MIR2052HG: variants seen among roughly 807,000 people sequenced by gnomAD.
The protein encoded by MIR2052HG is MIR2052 host gene.
chr8:74,633,359 T>G (rs1808542942), intron 2 of MIR2052HG: 1 of 152,156 alleles, frequency 6.6e-6, no homozygotes, highest in Non-Finnish European at 1.5e-5. Context: ...TAGGTGCTTC[T>G]AGTGTACGTT....
At chr8:74,629,535 G>T (rs1808480184) in intron 2 of MIR2052HG, among the ~76,000 whole-genome samples, 3 of 152,154 alleles carry the variant, frequency 2.0e-5, no homozygotes, top group African/African-American at 7.2e-5. Context: ...TTGCATTCCA[G>T]TATAGTGTTA....
intron 4 of MIR2052HG, among the ~76,000 whole-genome samples, chr8:74,723,848 T>C (rs1464455740): frequency 1.3e-5 from 2 of 152,226 alleles, no homozygotes; most frequent in African/African-American, 4.8e-5. Context: ...TCAGGAAGAC[T>C]ATCGTCTTGA....
At chr8:74,693,645 C>T (rs988321965) in intron 2 of MIR2052HG, among the ~76,000 whole-genome samples, 1 of 151,910 alleles carries the variant, frequency 6.6e-6, no homozygotes, top group African/African-American at 2.4e-5. Flanking sequence ...GGAATGAGAC[C>T]AGCCTTTTGG....
At chr8:74,679,483 C>T (rs1563530185) in intron 2 of MIR2052HG, among the ~76,000 whole-genome samples, 1 of 151,386 alleles carries the variant, frequency 6.6e-6, no homozygotes, top group Non-Finnish European at 1.5e-5. Context: ...TTTTCTTTAT[C>T]CACTCACTCA....
At chr8:74,688,598 G>T (rs1373257012) in intron 2 of MIR2052HG, among the ~76,000 whole-genome samples, 3 of 152,138 alleles carry the variant, frequency 2.0e-5, no homozygotes, top group Non-Finnish European at 4.4e-5. Context: ...ACATTCTGTA[G>T]CAAAGCTAAG....
intron 2 of MIR2052HG, among the ~76,000 whole-genome samples, chr8:74,618,769 A>G (rs1418546006): frequency 6.6e-6 from 1 of 152,254 alleles, no homozygotes; most frequent in African/African-American, 2.4e-5. Flanking sequence ...CTTCTATTCA[A>G]CATAGTACTG....
intron 2 of MIR2052HG, among the ~76,000 whole-genome samples, chr8:74,673,993 T>C (rs1250612792): frequency 6.7e-6 from 1 of 150,188 alleles, no homozygotes; most frequent in African/African-American, 2.5e-5. Flanking sequence ...CAGAGAAGCC[T>C]TTTTTTATGT....
At chr8:74,713,368 T>C (rs1387289083) in intron 4 of MIR2052HG, among the ~76,000 whole-genome samples, 1 of 152,164 alleles carries the variant, frequency 6.6e-6, no homozygotes, top group Non-Finnish European at 1.5e-5. Flanking sequence ...ATTCATTTCT[T>C]AAATGACAAA....
At chr8:74,748,374 A>G (rs188704829) in intron 4 of MIR2052HG, among the ~76,000 whole-genome samples, 11 of 152,334 alleles carry the variant, frequency 7.2e-5, no homozygotes, top group Non-Finnish European at 1.5e-4. Context: ...AATGAAAGAC[A>G]GGAACTTTCA....
At chr8:74,635,889 G>A (rs1808576038) in intron 2 of MIR2052HG, among the ~76,000 whole-genome samples, 1 of 152,128 alleles carries the variant, frequency 6.6e-6, no homozygotes, top group African/African-American at 2.4e-5. Flanking sequence ...ATAAATGGTG[G>A]AATGCTTTTG....
intron 2 of MIR2052HG, among the ~76,000 whole-genome samples, chr8:74,613,675 C>G (rs7010118): frequency 6.6e-6 from 1 of 151,988 alleles, no homozygotes; most frequent in Non-Finnish European, 1.5e-5. Flanking sequence ...TTAGTAGAGA[C>G]GGGGTTTTGC....
intron 4 of MIR2052HG, among the ~76,000 whole-genome samples, chr8:74,745,570 T>G (rs186741841): frequency 3.3e-5 from 5 of 150,976 alleles, no homozygotes; most frequent in Admixed American, 1.3e-4. Context: ...TCACTGTGGG[T>G]TTTTTTTTCA....
chr8:74,663,899 C>T (rs138814304), intron 2 of MIR2052HG, among the ~76,000 whole-genome samples: 1 of 152,226 alleles, frequency 6.6e-6, no homozygotes, highest in East Asian at 1.9e-4. Flanking sequence ...CTTTAACACT[C>T]AAGAAAAAAT....
rs1485340799 is a variant in MIR2052HG, at chr8:74,673,910, T to TATATATATATATAC, written n.217-28468_217-28467insTATATATATATACA. ...TTGTATATATATATATATATATATATACACACACAAAATATCTATCTATAT... is the reference window on the plus strand; with the variant it reads ...TTGTATATATATATATATATATATATATATATATATATACACACACACAAAATATCTATCTATAT... On this transcript the variant is annotated intron_variant and non_coding_transcript_variant, in intron 2 of 6. Coordinates refer to ENST00000523442, the Ensembl canonical transcript of MIR2052HG. 7.2e-3 allele frequency among the ~76,000 whole-genome samples: 958 copies of TATATATATATATAC among 133,160 alleles called. 27 individuals carry two copies. The highest frequency in any genetic ancestry group is 0.031 in the African/African-American group (914 of 29,470). 87.4% of individuals were successfully genotyped at this position (133,160 alleles called of 152,430 possible). A position where few individuals can be genotyped will look rare whatever the true frequency, so the allele number is the denominator to read the frequency against.
intron 2 of MIR2052HG, among the ~76,000 whole-genome samples, chr8:74,700,171 A>G (rs919184305): frequency 1.1e-4 from 17 of 152,196 alleles, no homozygotes; most frequent in African/African-American, 3.9e-4. Context: ...GGTGGAGCTT[A>G]ATGTATGAGC....
At chr8:74,749,498 T>C (rs766475424) in intron 4 of MIR2052HG, among the ~76,000 whole-genome samples, 3 of 152,100 alleles carry the variant, frequency 2.0e-5, no homozygotes, top group Non-Finnish European at 4.4e-5. Flanking sequence ...ACTGCTAAAC[T>C]AGTGAAAACG....
At chr8:74,623,562 A>G (rs189006407) in intron 2 of MIR2052HG, among the ~76,000 whole-genome samples, 1 of 152,254 alleles carries the variant, frequency 6.6e-6, no homozygotes, top group Non-Finnish European at 1.5e-5. Context: ...ATACAATGTC[A>G]TTATTAAAAA....
intron 2 of MIR2052HG, among the ~76,000 whole-genome samples, chr8:74,680,815 A>G (rs1172295817): frequency 1.3e-5 from 2 of 151,490 alleles, no homozygotes; most frequent in Non-Finnish European, 3.0e-5. Context: ...AACCAACCCA[A>G]ATGTCCAACA....
At position 74,664,176 on chromosome 8, in the gene MIR2052HG, C is replaced by T. The variant is rs539316139; in HGVS notation, n.217-38203C>T. 1.7e-3 allele frequency among the ~76,000 whole-genome samples: 262 copies of T among 151,040 alleles called. 1 individual carries two copies. Among genetic ancestry groups the T allele is most frequent in the Non-Finnish European group, 3.0e-3 (203 of 67,840 alleles). On this transcript the variant is annotated intron_variant and non_coding_transcript_variant, in intron 2 of 6. Coordinates refer to ENST00000523442, the Ensembl canonical transcript of MIR2052HG. ...AAAAAAAAAAACTATGTATTGCGTACGATGCAAACTACTCAGATGACAAGT... is the reference window on the plus strand; with the variant it reads ...AAAAAAAAAAACTATGTATTGCGTATGATGCAAACTACTCAGATGACAAGT...
Sources: gnomAD v4.1 joint callset for allele counts (sites outside exome capture counted in the v4.1 genomes callset) on GRCh38, gnomAD v4.1.1 for gene constraint, MANE v1.5 for transcripts, NCBI Gene and HGNC (gene_info 2026-07-23, HGNC 2026-07-21) for gene names.